Variants in NEFH observed in about 807,000 individuals in gnomAD.
The protein encoded by NEFH is neurofilament heavy chain.
NEFH carries 58 observed loss-of-function variants against 56.6 expected under a neutral mutation model. That is an observed-to-expected ratio of 1.03 (90% CI 0.83 to 1.28). The LOEUF is 1.28. Among genes scored for constraint, NEFH ranks in the 50% most tolerant of loss-of-function variants. The pLI is 0.00. For missense variants in NEFH, 1,221 were observed against 1,307.6 expected (o/e 0.93, Z 1.02); for synonymous variants, 542 against 545.8 (o/e 0.99, Z 0.10).
chr22:29,485,690 T>C (rs765917980), intron 2 of NEFH, 33 bp from the exon 3 acceptor site: 1 of 1,608,726 alleles, frequency 6.2e-7, no homozygotes, highest in Non-Finnish European at 8.5e-7. Flanking sequence ...AGACACTGGC[T>C]GGCATGTGAT....
In NEFH at chr22:29,480,532, G is replaced by T. The variant is rs1377664474; in HGVS notation, c.270G>T (p.Ala90=). 4 of 1,537,080 alleles carry T rather than the reference G, an allele frequency of 2.6e-6. No homozygotes were observed. Among genetic ancestry groups the T allele is most frequent in the Admixed American group, 2.0e-5 (1 of 51,082 alleles). ...ACGGGCCGGAGGGCTGCATGGTGGC[G>T]GTGGCCACCTCACGCAGTGAGAAGG... The part of the protein sequence containing the change: ...LSNGPEGCMV[A]VATSRSEKEQ... Residue 90 remains alanine (A), a synonymous_variant, in exon 1 of 4, where the codon GCG becomes GCT. Transcript: ENST00000310624.
intron 2 of NEFH, among the ~76,000 whole-genome samples, chr22:29,485,312 AG>A (rs1160336294): frequency 6.6e-6 from 1 of 152,188 alleles, no homozygotes; most frequent in Non-Finnish European, 1.5e-5. Flanking sequence ...CATGTTGGCC[AG>A]GCTAGTCTCA....
chr22:29,481,172 G>T (rs1448808550), intron 1 of NEFH, 27 bp downstream of exon 1: 3 of 1,261,584 alleles, frequency 2.4e-6, no homozygotes, highest in African/African-American at 1.5e-5. Flanking sequence ...GTGGGGGGAG[G>T]GGCGCCCCTG....
rs1391439128 is a variant in NEFH, at chr22:29,480,549, G to C, written c.287G>C (p.Ser96Thr). The C allele has an allele frequency of 3.2e-6, 5 of 1,539,832 alleles. No individual in the cohort carries two copies. The highest frequency in any genetic ancestry group is 2.0e-5 in the Admixed American group (1 of 51,214). Residue 96 changes from serine (S) to threonine (T), a missense_variant, in exon 1 of 4, where the codon AGT becomes ACT. By Grantham distance (58) the Ser-to-Thr change is moderately conservative (BLOSUM62 1). Coordinates refer to ENST00000310624, the MANE Select transcript of NEFH (RefSeq NM_021076.4). ...GCMVAVATSR[S>T]EKEQLQALND... is the part of the protein sequence containing the mutation. ...ATGGTGGCGGTGGCCACCTCACGCAGTGAGAAGGAGCAGCTGCAGGCGCTG... is the reference window on the plus strand; with the variant it reads ...ATGGTGGCGGTGGCCACCTCACGCACTGAGAAGGAGCAGCTGCAGGCGCTG...
chr22:29,481,041 G>T lies in NEFH; in HGVS notation c.779G>T (p.Arg260Leu), dbSNP rs1446968956. 9 of 1,531,476 alleles carry T rather than the reference G, an allele frequency of 5.9e-6. No individual in the cohort carries two copies. Among genetic ancestry groups the T allele is most frequent in the Non-Finnish European group, 7.9e-6 (9 of 1,145,272 alleles). The allele number at this position is 1,531,476 out of a possible 1,614,324, so 94.9% of individuals were successfully genotyped here. The change falls in exon 1 of 4, where the codon CGC becomes CTC. Residue 260 changes from arginine to leucine, a missense_variant. Arg to Leu is a moderately radical substitution (Grantham distance 102, BLOSUM62 -2). Around this residue, in one of 4 missense-constraint regions of NEFH, gnomAD observed 640 missense variants for 555.5 expected, o/e 1.15. Coordinates refer to ENST00000310624, the MANE Select transcript of NEFH (RefSeq NM_021076.4). ...AAQAQMQAET[R>L]DALKCDVTSA... Reference sequence around the variant, plus strand: ...CAGGCGCAGATGCAGGCCGAGACGCGCGACGCCCTGAAGTGCGACGTGACG... The same window carrying T: ...CAGGCGCAGATGCAGGCCGAGACGCTCGACGCCCTGAAGTGCGACGTGACG...
chr22:29,488,919 C>G lies in NEFH; in HGVS notation c.1279C>G (p.Pro427Ala). The part of the protein sequence containing the change: ...PIPFSLPEGL[P>A]KIPSVSTHIK... The stretch of plus-strand genomic sequence containing the variant: ...TCCTTTCTCGCTTCCAGAAGGACTC[C>G]CCAAAATTCCCTCTGTGTCCACTCA... Residue 427 changes from proline to alanine, a missense_variant, in exon 4 of 4, where the codon CCC becomes GCC. Physicochemically the swap from Pro to Ala is conservative, Grantham distance 27. Around this residue, in one of 4 missense-constraint regions of NEFH, gnomAD observed 243 missense variants for 299.1 expected, o/e 0.81. Coordinates refer to ENST00000310624, the MANE Select transcript of NEFH (RefSeq NM_021076.4). The G allele has an allele frequency of 6.2e-7, 1 of 1,614,142 alleles. No individual in the cohort carries two copies. Among genetic ancestry groups the G allele is most frequent in the Non-Finnish European group, 8.5e-7 (1 of 1,180,026 alleles).
At chr22:29,483,220 A>C (rs1179942396) in intron 1 of NEFH, among the ~76,000 whole-genome samples, 155 bp from the exon 2 acceptor site, 1 of 151,654 alleles carries the variant, frequency 6.6e-6, no homozygotes, top group Non-Finnish European at 1.5e-5. Context: ...CGGAGCTTGC[A>C]GCGAGCTGAG....
intron 1 of NEFH, among the ~76,000 whole-genome samples, chr22:29,482,108 C>T (rs2146393007): frequency 6.6e-6 from 1 of 152,356 alleles, no homozygotes; most frequent in East Asian, 1.9e-4. Context: ...CTCCAACCAC[C>T]TGGATGGTTT....
intron 1 of NEFH, among the ~76,000 whole-genome samples, chr22:29,482,457 G>A (rs2063017449): frequency 6.7e-6 from 1 of 149,552 alleles, no homozygotes; most frequent in South Asian, 2.1e-4. Context: ...GGTTGCTGGC[G>A]GGGGCCGGGG....
At chr22:29,485,663 C>T in intron 2 of NEFH, 60 bp from the exon 3 acceptor site, 1 of 1,589,446 alleles carries the variant, frequency 6.3e-7, no homozygotes, top group Non-Finnish European at 8.6e-7. Context: ...GCCGCAGCTT[C>T]TCTGGTACTG....
intron 3 of NEFH, 108 bp from the exon 4 acceptor site, chr22:29,488,740 CA>C: frequency 9.3e-7 from 1 of 1,070,356 alleles, no homozygotes; most frequent in Non-Finnish European, 1.4e-6. Context: ...CCTGTTCCAC[CA>C]AAACCCATAT....
At chr22:29,483,274 C>CT in intron 1 of NEFH, 101 bp from the exon 2 acceptor site, 1 of 1,039,784 alleles carries the variant, frequency 9.6e-7, no homozygotes. Flanking sequence ...GAGAATCCGT[C>CT]TCAAAAAAAA....
At position 29,489,685 on chromosome 22, in the gene NEFH, C is replaced by T. The variant is rs2146400542; in HGVS notation, c.2045C>T (p.Ser682Phe). 1.9e-6 allele frequency: 3 copies of T among 1,611,684 alleles called. No individual in the cohort carries two copies. In the East Asian group the frequency reaches 6.7e-5, roughly 36 times the overall value. Residue 682 changes from serine to phenylalanine, a missense_variant, in exon 4 of 4, where the codon TCC (serine) becomes TTC (phenylalanine). Ser to Phe is a radical substitution (Grantham distance 155). Transcript: ENST00000310624. ...AEAKSPEKAKSPVKAEAKSPE... is the reference protein window; with the variant it reads ...AEAKSPEKAKFPVKAEAKSPE... The stretch of plus-strand genomic sequence containing the variant: ...GCAAAGTCCCCTGAGAAGGCCAAGT[C>T]CCCAGTGAAGGCAGAAGCAAAGTCC...
At chr22:29,486,280 C>A (rs2063043760) in intron 3 of NEFH, among the ~76,000 whole-genome samples, 1 of 152,158 alleles carries the variant, frequency 6.6e-6, no homozygotes. Flanking sequence ...CCACCTCAGC[C>A]TCCCAAAGTC....
Position 29,480,284 on chromosome 22 carries a change from G to A in NEFH, c.22G>A (p.Asp8Asn). 6.6e-7 allele frequency: 1 copy of A among 1,510,030 alleles called. No individual in the cohort carries two copies. Among genetic ancestry groups the A allele is most frequent in the Non-Finnish European group, 8.8e-7 (1 of 1,138,156 alleles). The allele number at this position is 1,510,030 out of a possible 1,614,324, so 93.5% of individuals were successfully genotyped here. MMSFGGADALLGAPFAPL... is the reference protein window; with the variant it reads MMSFGGANALLGAPFAPL... ...GGCCATGATGAGCTTCGGCGGCGCG[G>A]ACGCGCTGCTGGGCGCCCCGTTCGC... is the stretch of plus-strand genomic sequence containing the variant. Residue 8 changes from aspartate to asparagine, a missense_variant, in exon 1 of 4, where the codon GAC becomes AAC. By Grantham distance (23) the Asp-to-Asn change is conservative. Around this residue, in one of 4 missense-constraint regions of NEFH, gnomAD observed 640 missense variants for 555.5 expected, o/e 1.15. Transcript: ENST00000310624.
Position 29,489,580 on chromosome 22 carries a change from A to G in NEFH, c.1940A>G (p.Lys647Arg), listed in dbSNP as rs2063065637. The change falls in exon 4 of 4, where the codon AAG (lysine) becomes AGG (arginine). Residue 647 changes from lysine to arginine, a missense_variant. Coordinates refer to ENST00000310624, the MANE Select transcript of NEFH (RefSeq NM_021076.4). ...KAKSPTKEEAKSPEKAKSPEK... is the reference protein window; with the variant it reads ...KAKSPTKEEARSPEKAKSPEK... ...AAGTCTCCAACGAAGGAGGAAGCAA[A>G]GTCCCCTGAGAAGGCCAAGTCCCCA... 6.2e-7 allele frequency: 1 copy of G among 1,613,044 alleles called. No individual in the cohort carries two copies. The highest frequency in any genetic ancestry group is 1.7e-5 in the Admixed American group (1 of 59,930).
In NEFH at chr22:29,480,738, G is replaced by C; in HGVS notation, c.476G>C (p.Arg159Pro). ...EVREMRGAVL[R>P]LGAARGQLRL... ...CGCGAGATGCGCGGCGCGGTGCTGC[G>C]CCTGGGCGCGGCGCGCGGTCAGCTA... The change falls in exon 1 of 4, where the codon CGC becomes CCC. Residue 159 changes from arginine (R) to proline (P), a missense_variant. By Grantham distance (103) the Arg-to-Pro change is moderately radical. Around this residue, in one of 4 missense-constraint regions of NEFH, gnomAD observed 640 missense variants for 555.5 expected, o/e 1.15. Transcript: ENST00000310624. 4.1e-6 allele frequency: 6 copies of C among 1,456,628 alleles called. No individual in the cohort carries two copies. Among genetic ancestry groups the C allele is most frequent in the Non-Finnish European group, 5.4e-6 (6 of 1,115,768 alleles). 90.2% of individuals were successfully genotyped at this position (1,456,628 alleles called of 1,614,324 possible).
At position 29,489,145 on chromosome 22, in the gene NEFH, A is replaced by G; in HGVS notation, c.1505A>G (p.Lys502Arg). 6.2e-7 allele frequency: 1 copy of G among 1,613,846 alleles called. No individual in the cohort carries two copies. Among genetic ancestry groups the G allele is most frequent in the South Asian group, 1.1e-5 (1 of 91,062 alleles). The change falls in exon 4 of 4, where the codon AAG (lysine) becomes AGG (arginine). Residue 502 changes from lysine (K) to arginine (R), a missense_variant. Physicochemically the swap from Lys to Arg is conservative, Grantham distance 26. Transcript: ENST00000310624. The part of the protein sequence containing the change: ...EEAEGGEEET[K>R]SPPAEEAASP... Reference sequence around the variant, plus strand: ...GCAGAAGGGGGAGAAGAAGAAACAAAGTCTCCCCCAGCAGAAGAGGCTGCA... The same window carrying G: ...GCAGAAGGGGGAGAAGAAGAAACAAGGTCTCCCCCAGCAGAAGAGGCTGCA...
In NEFH at chr22:29,480,532, G is replaced by A. The variant is rs1377664474; in HGVS notation, c.270G>A (p.Ala90=). The A allele has an allele frequency of 6.5e-7, 1 of 1,537,080 alleles. No homozygotes were observed. The highest frequency in any genetic ancestry group is 8.7e-7 in the Non-Finnish European group (1 of 1,148,240). Residue 90 remains alanine, a synonymous_variant, in exon 1 of 4, where the codon GCG becomes GCA. Transcript: ENST00000310624. ...LSNGPEGCMV[A]VATSRSEKEQ... Reference sequence around the variant, plus strand: ...ACGGGCCGGAGGGCTGCATGGTGGCGGTGGCCACCTCACGCAGTGAGAAGG... The same window carrying A: ...ACGGGCCGGAGGGCTGCATGGTGGCAGTGGCCACCTCACGCAGTGAGAAGG...
Sources: gnomAD v4.1 joint callset for allele counts (sites outside exome capture counted in the v4.1 genomes callset) on GRCh38, gnomAD v4.1.1 for gene constraint, gnomAD v4.1.1 regional missense constraint, MANE v1.5 for transcripts, NCBI Gene and HGNC (gene_info 2026-07-23, HGNC 2026-07-21) for gene names.